MTMR7: variants seen among roughly 807,000 people sequenced by gnomAD.
MTMR7 encodes the protein phosphatidylinositol-3-phosphate phosphatase MTMR7.
MTMR7 carries 76 observed loss-of-function variants against 81.2 expected under a neutral mutation model. The ratio of observed to expected loss-of-function variants is 0.94; its 90% CI spans 0.78 to 1.13. The LOEUF (loss-of-function observed/expected upper bound fraction) is 1.13, where lower values mean the gene tolerates loss of function less well. Ranked by LOEUF, MTMR7 falls within the 50% of genes most tolerant of loss-of-function variation. The probability of loss-of-function intolerance (pLI) is 0.00; values close to 1 mark genes in which losing one functional copy is unlikely to be tolerated. For synonymous variants in MTMR7, 372 were observed against 289.8 expected, an observed-to-expected ratio of 1.28 and a Z score of -2.88; for missense variants, 1,044 against 820.0, an observed-to-expected ratio of 1.27 and a Z score of -3.34.
At chr8:17,344,065 T>A (rs1210371284) in intron 5 of MTMR7, among the ~76,000 whole-genome samples, 1 of 152,292 alleles carries the variant, frequency 6.6e-6, no homozygotes, top group East Asian at 1.9e-4. Context: ...ATAGGCACTA[T>A]TATAAGAACT....
In MTMR7 at chr8:17,302,275, C is replaced by G; in HGVS notation, c.1499G>C (p.Trp500Ser). The G allele has an allele frequency of 6.2e-7, 1 of 1,612,930 alleles. No homozygotes were observed. Among genetic ancestry groups the G allele is most frequent in the Non-Finnish European group, 8.5e-7 (1 of 1,179,580 alleles). Residue 500 changes from tryptophan (W) to serine (S), a missense_variant, in exon 13 of 14, where the codon TGG (tryptophan) becomes TCG (serine). Physicochemically the swap from Trp to Ser is radical, Grantham distance 177. Transcript: ENST00000180173. ...TTCAAAGCGGTTATACATTCCACTC[C>G]AAAACCTGGAAAGGATGGCAAAGCG... ...TTPCNFMYKF[W>S]SGMYNRFEKG...
Position 17,371,178 on chromosome 8 carries a change from T to C in MTMR7, c.169A>G (p.Thr57Ala), listed in dbSNP as rs1365296771. ...GCGGTTGTTGCCTGTTTCTCAATGG[T>C]GGAAATCTGACTGTGAAGAATCTAG... The part of the protein sequence containing the change: ...ETWILHSQIS[T>A]IEKQATTATG... The change falls in exon 3 of 14, where the codon ACC (threonine) becomes GCC (alanine). Residue 57 changes from threonine to alanine, a missense_variant. Coordinates refer to ENST00000180173, the MANE Select transcript of MTMR7 (RefSeq NM_004686.5). The C allele has an allele frequency of 5.0e-6, 8 of 1,614,012 alleles. No individual in the cohort carries two copies. The highest frequency in any genetic ancestry group is 4.0e-5 in the African/African-American group (3 of 74,924).
intron 5 of MTMR7, among the ~76,000 whole-genome samples, chr8:17,348,466 C>T (rs1398455239): frequency 6.7e-6 from 1 of 149,122 alleles, no homozygotes; most frequent in Non-Finnish European, 1.5e-5. Context: ...AGGAGAATTG[C>T]TTGAACCTGG....
At chr8:17,370,475 G>C (rs1023045396) in intron 3 of MTMR7, among the ~76,000 whole-genome samples, 37 of 143,272 alleles carry the variant, frequency 2.6e-4, no homozygotes, top group African/African-American at 9.6e-4. Context: ...AGCTGAGATT[G>C]CACCAGGAGG....
At chr8:17,410,700 G>A (rs1330340175) in intron 1 of MTMR7, among the ~76,000 whole-genome samples, 1 of 152,206 alleles carries the variant, frequency 6.6e-6, no homozygotes, top group Non-Finnish European at 1.5e-5. Flanking sequence ...TATGTGCAAA[G>A]CATTCCAGAT....
rs368481299 is a variant in MTMR7 at position 17,361,238 on chromosome 8, G to C, written c.347C>G (p.Pro116Arg). 1.9e-6 allele frequency: 3 copies of C among 1,614,052 alleles called. No individual in the cohort carries two copies. The highest frequency in any genetic ancestry group is 2.5e-6 in the Non-Finnish European group (3 of 1,179,992). ...CTCTCTTTCTTCTTTATCCAGCATG[G>C]GGTTGAATGAAAAGCAGTATAACTC... ...YEELYCFSFN[P>R]MLDKEEREQG... The change falls in exon 4 of 14, where the codon CCC becomes CGC. Residue 116 changes from proline (P) to arginine (R), a missense_variant. Physicochemically the swap from Pro to Arg is moderately radical, Grantham distance 103. Transcript: ENST00000180173.
intron 1 of MTMR7, among the ~76,000 whole-genome samples, chr8:17,388,290 T>C (rs563331287): frequency 3.2e-4 from 48 of 152,118 alleles, no homozygotes; most frequent in African/African-American, 1.1e-3. Flanking sequence ...AAAAATACCA[T>C]TTTCAACAAG....
At chr8:17,317,025 A>C (rs1858709) in intron 7 of MTMR7, among the ~76,000 whole-genome samples, 75,214 of 152,050 alleles carry the variant, frequency 0.49, 19,052 homozygotes, top group African/African-American at 0.55. Context: ...CTGATGCTTT[A>C]AGTTTTGCCA....
chr8:17,339,898 T>C (rs1169466137), intron 6 of MTMR7, among the ~76,000 whole-genome samples: 1 of 152,234 alleles, frequency 6.6e-6, no homozygotes, highest in Non-Finnish European at 1.5e-5. Flanking sequence ...AAAATGAACT[T>C]CTCACCCCAC....
intron 1 of MTMR7, among the ~76,000 whole-genome samples, chr8:17,409,610 C>A (rs1585130723): frequency 6.6e-6 from 1 of 152,288 alleles, no homozygotes; most frequent in East Asian, 1.9e-4. Context: ...ATAATCCCTA[C>A]CATTACAGGA....
intron 1 of MTMR7, among the ~76,000 whole-genome samples, chr8:17,409,302 A>T (rs1281164212): frequency 6.6e-6 from 1 of 152,062 alleles, no homozygotes; most frequent in Non-Finnish European, 1.5e-5. Context: ...TCTACTAAAA[A>T]TCTAAAAATT....
chr8:17,332,652 A>T (rs1473402266), intron 6 of MTMR7, among the ~76,000 whole-genome samples: 10 of 152,228 alleles, frequency 6.6e-5, no homozygotes, highest in Admixed American at 6.5e-4. Flanking sequence ...ACACTTTCTG[A>T]ATGTCTATTG....
At chr8:17,313,989 T>G (rs1231236401) in intron 7 of MTMR7, among the ~76,000 whole-genome samples, 1 of 152,172 alleles carries the variant, frequency 6.6e-6, no homozygotes, top group Admixed American at 6.5e-5. Flanking sequence ...TTCTAGAGCA[T>G]CAGGGTAGAG....
intron 6 of MTMR7, among the ~76,000 whole-genome samples, chr8:17,340,381 G>A (rs1442650850): frequency 6.6e-6 from 1 of 152,242 alleles, no homozygotes; most frequent in Non-Finnish European, 1.5e-5. Context: ...CTCAGTCACA[G>A]GTCCAGGCAC....
intron 6 of MTMR7, among the ~76,000 whole-genome samples, chr8:17,335,200 G>C (rs922110101): frequency 6.6e-6 from 1 of 152,200 alleles, no homozygotes; most frequent in East Asian, 1.9e-4. Flanking sequence ...CTGACAGAGA[G>C]GAGGGACGGA....
chr8:17,388,578 T>G (rs1468244096), intron 1 of MTMR7, among the ~76,000 whole-genome samples: 2 of 152,372 alleles, frequency 1.3e-5, no homozygotes, highest in East Asian at 3.9e-4. Flanking sequence ...AATTCTAAAA[T>G]GATTCTGAAT....
chr8:17,398,610 G>C (rs772639040), intron 1 of MTMR7, among the ~76,000 whole-genome samples: 2 of 152,158 alleles, frequency 1.3e-5, no homozygotes, highest in African/African-American at 4.8e-5. Context: ...AGAGGAGGTA[G>C]AGAAAGAAAT....
intron 6 of MTMR7, among the ~76,000 whole-genome samples, chr8:17,336,441 C>T (rs985520780): frequency 6.6e-6 from 1 of 152,100 alleles, no homozygotes; most frequent in Admixed American, 6.5e-5. Flanking sequence ...TGGTTGCTGC[C>T]ATGACGGCCA....
At chr8:17,306,539 T>A (rs1056920536) in intron 10 of MTMR7, among the ~76,000 whole-genome samples, 3 of 152,218 alleles carry the variant, frequency 2.0e-5, no homozygotes, top group Non-Finnish European at 2.9e-5. Context: ...CAAGAGCACA[T>A]CAGACTCGTC....
Sources: allele counts gnomAD v4.1 joint callset (sites outside exome capture counted in the v4.1 genomes callset), GRCh38; gene constraint gnomAD v4.1.1; transcripts MANE v1.5; gene names NCBI Gene and HGNC (gene_info 2026-07-23, HGNC 2026-07-21).